Variants in SYTL5 observed in about 807,000 individuals in gnomAD.
SYTL5 encodes synaptotagmin like 5.
Under a neutral mutation model 55.9 loss-of-function variants are expected in SYTL5, and 34 were observed. That is an observed-to-expected ratio of 0.61 (90% confidence interval 0.46 to 0.81). The LOEUF is 0.81. SYTL5 is among the 30% of genes least tolerant of loss of function. The probability of loss-of-function intolerance (pLI) is 0.00; values close to 1 mark genes in which losing one functional copy is unlikely to be tolerated. For synonymous variants in SYTL5, 221 were observed against 188.7 expected (o/e 1.17, Z -1.40); for missense variants, 637 against 546.7 (o/e 1.17, Z -1.65).
chrX:37,893,631 A>T, the SYTL5 span, among the ~76,000 whole-genome samples: 1 of 78,453 alleles, frequency 1.3e-5, no homozygotes, highest in Non-Finnish European at 2.2e-5. Context: ...TATAATCTAT[A>T]TATATAATTA....
chrX:38,054,611 T>TGAGAGAGAGAGAGA (rs3067495), intron 3 of SYTL5, among the ~76,000 whole-genome samples, 189 bp downstream of exon 3: 1 of 95,409 alleles, frequency 1.0e-5, no homozygotes, highest in Non-Finnish European at 2.1e-5. Context: ...TGTGTGTATG[T>TGAGAGAGAGAGAGA]GAGAGAGAGA....
intron 15 of SYTL5, 72 bp downstream of exon 15, chrX:38,122,287 G>T: frequency 1.0e-6 from 1 of 987,978 alleles, no homozygotes. Flanking sequence ...ACAAGCCACT[G>T]GTGGCTGTGA....
chrX:37,955,656 A>T, the SYTL5 span, among the ~76,000 whole-genome samples: 1 of 111,972 alleles, frequency 8.9e-6, no homozygotes, highest in African/African-American at 3.2e-5. Context: ...CTGGCCGGGA[A>T]ATGTAAAGAA....
the SYTL5 span, among the ~76,000 whole-genome samples, chrX:37,969,720 C>T: frequency 9.1e-6 from 1 of 109,542 alleles, no homozygotes; most frequent in Non-Finnish European, 1.9e-5. Flanking sequence ...GCAATCTTCA[C>T]CTCCTGGGTT....
intron 13 of SYTL5, among the ~76,000 whole-genome samples, chrX:38,116,453 A>T (rs888699383): frequency 8.9e-6 from 1 of 112,535 alleles, no homozygotes; most frequent in African/African-American, 3.2e-5. Flanking sequence ...AGTAAGTAAA[A>T]TTCTGCCATA....
chrX:38,066,921 T>C (rs1260718834), intron 3 of SYTL5, among the ~76,000 whole-genome samples: 1 of 111,856 alleles, frequency 8.9e-6, no homozygotes, highest in East Asian at 2.8e-4. Flanking sequence ...TGGTAATAGA[T>C]ACTTCATTGC....
intron 1 of SYTL5, among the ~76,000 whole-genome samples, chrX:38,006,937 T>C (rs1387239446): frequency 1.8e-5 from 2 of 111,310 alleles, no homozygotes; most frequent in East Asian, 5.6e-4. Flanking sequence ...AAGTGAAGCA[T>C]TGCACTAGGT....
At chrX:38,024,870 A>G (rs1465430718) in intron 1 of SYTL5, among the ~76,000 whole-genome samples, 1 of 111,746 alleles carries the variant, frequency 8.9e-6, no homozygotes, top group Admixed American at 9.5e-5. Context: ...AATCTTGACT[A>G]TGGCACTCCC....
At chrX:37,919,413 T>C in the SYTL5 span, among the ~76,000 whole-genome samples, 1 of 111,882 alleles carries the variant, frequency 8.9e-6, no homozygotes, top group East Asian at 2.8e-4. Flanking sequence ...AGAAGTATAT[T>C]GTATATTCTT....
the SYTL5 span, among the ~76,000 whole-genome samples, chrX:37,983,975 G>C: frequency 1.8e-5 from 2 of 111,663 alleles, no homozygotes; most frequent in Non-Finnish European, 1.9e-5. Context: ...AAACTTATGA[G>C]ATGCAGCTAA....
the SYTL5 span, chrX:37,991,144 T>A: frequency 8.3e-7 from 1 of 1,209,279 alleles, no homozygotes; most frequent in Non-Finnish European, 1.1e-6. Context: ...GAGAGTGATG[T>A]GACTCGCTTT....
intron 1 of SYTL5, among the ~76,000 whole-genome samples, chrX:38,018,418 T>C (rs1196629024): frequency 2.7e-5 from 3 of 111,915 alleles, no homozygotes; most frequent in African/African-American, 9.8e-5. Flanking sequence ...AGTATAGACA[T>C]CTGATAAGCT....
intron 1 of SYTL5, among the ~76,000 whole-genome samples, chrX:38,026,802 C>T (rs1934792066): frequency 9.0e-6 from 1 of 111,591 alleles, no homozygotes; most frequent in South Asian, 3.8e-4. Context: ...TCTTTATGAC[C>T]TGTACCTTGT....
At chrX:37,956,240 TAAATC>T in the SYTL5 span, among the ~76,000 whole-genome samples, 1 of 112,138 alleles carries the variant, frequency 8.9e-6, no homozygotes, top group African/African-American at 3.2e-5. Context: ...AATCTGTACT[TAAATC>T]AAGTCATTTA....
At chrX:37,905,119 G>A in the SYTL5 span, among the ~76,000 whole-genome samples, 1 of 110,843 alleles carries the variant, frequency 9.0e-6, no homozygotes, top group Non-Finnish European at 1.9e-5. Flanking sequence ...TCCCAACGAA[G>A]CACTGCCACC....
intron 1 of SYTL5, among the ~76,000 whole-genome samples, chrX:38,018,889 C>A (rs915220709): frequency 1.8e-5 from 2 of 111,834 alleles, no homozygotes; most frequent in African/African-American, 6.5e-5. Context: ...AGCTTTAGTT[C>A]CTAATCTCTC....
the SYTL5 span, among the ~76,000 whole-genome samples, chrX:37,969,525 G>C: frequency 1.8e-5 from 2 of 111,905 alleles, no homozygotes; most frequent in African/African-American, 3.2e-5. Context: ...ATGTTCAAAA[G>C]ATACTTAATT....
chrX:38,122,039 T>C (rs367948343), intron 14 of SYTL5, 41 bp from the exon 15 acceptor site: 3 of 1,110,922 alleles, frequency 2.7e-6, no homozygotes, highest in Non-Finnish European at 3.6e-6. Flanking sequence ...TATTTTTTTT[T>C]CTCTTTCTCC....
intron 1 of SYTL5, among the ~76,000 whole-genome samples, chrX:38,011,741 A>G (rs1934198567): frequency 9.0e-6 from 1 of 111,624 alleles, no homozygotes; most frequent in African/African-American, 3.2e-5. Flanking sequence ...TTTCTAGGGT[A>G]TCTGTGAGTT....
Sources: gnomAD v4.1 joint callset for allele counts (sites outside exome capture counted in the v4.1 genomes callset) on GRCh38, gnomAD v4.1.1 for gene constraint, MANE v1.5 for transcripts, NCBI Gene and HGNC (gene_info 2026-07-23, HGNC 2026-07-21) for gene names.